EXOC6: variants seen among roughly 807,000 people sequenced by gnomAD.
EXOC6 encodes the protein SEC15-like 1.
A neutral mutation model predicts 112.5 loss-of-function variants in EXOC6; 60 were observed. The ratio of observed to expected loss-of-function variants is 0.53; its 90% CI spans 0.43 to 0.66. The LOEUF is 0.66. Ranked by LOEUF, EXOC6 falls within the 30% of genes least tolerant of loss-of-function variation. The probability of loss-of-function intolerance (pLI) is 0.00; values close to 1 mark genes in which losing one functional copy is unlikely to be tolerated. For missense variants in EXOC6, 855 were observed against 957.1 expected (o/e 0.89, Z 1.41); for synonymous variants, 295 against 308.0 (o/e 0.96, Z 0.44).
chr10:93,001,973 C>T (rs561655785), intron 19 of EXOC6, among the ~76,000 whole-genome samples: 2 of 152,180 alleles, frequency 1.3e-5, no homozygotes, highest in Non-Finnish European at 2.9e-5. Context: ...TATAGAGATA[C>T]TCAGGTGTAC....
chr10:92,938,866 A>T (rs1852502572), intron 12 of EXOC6, among the ~76,000 whole-genome samples: 1 of 152,172 alleles, frequency 6.6e-6, no homozygotes, highest in African/African-American at 2.4e-5. Flanking sequence ...TAACTAACTT[A>T]GATTCTAGGA....
At chr10:92,872,490 C>T (rs1848499602) in intron 1 of EXOC6, among the ~76,000 whole-genome samples, 1 of 152,060 alleles carries the variant, frequency 6.6e-6, no homozygotes, top group Non-Finnish European at 1.5e-5. Flanking sequence ...GTTTTATACA[C>T]ATACATGCCT....
chr10:92,864,118 A>G (rs1245791532), intron 1 of EXOC6, among the ~76,000 whole-genome samples: 2 of 152,168 alleles, frequency 1.3e-5, no homozygotes, highest in Non-Finnish European at 2.9e-5. Flanking sequence ...AATAAAAAGT[A>G]TAATAAAGTC....
At chr10:92,873,212 G>A (rs536562791) in intron 1 of EXOC6, among the ~76,000 whole-genome samples, 147 of 152,290 alleles carry the variant, frequency 9.7e-4, no homozygotes, top group Non-Finnish European at 1.9e-3. Flanking sequence ...GAAGGAGGAA[G>A]TCTATTGCAA....
chr10:92,954,941 G>C (rs577212675), intron 16 of EXOC6, among the ~76,000 whole-genome samples, 200 bp downstream of exon 16: 2 of 152,148 alleles, frequency 1.3e-5, no homozygotes, highest in South Asian at 4.1e-4. Context: ...CCTCTAATCC[G>C]AGAGCTTTGG....
At chr10:92,981,933 TG>T (rs748835999) in intron 18 of EXOC6, among the ~76,000 whole-genome samples, 12 of 152,104 alleles carry the variant, frequency 7.9e-5, no homozygotes, top group Non-Finnish European at 2.9e-5. Flanking sequence ...CTGACCAACA[TG>T]GTGAAACTCC....
intron 19 of EXOC6, among the ~76,000 whole-genome samples, 173 bp downstream of exon 19, chr10:92,997,788 C>G (rs1490272521): frequency 1.3e-5 from 2 of 152,154 alleles, no homozygotes; most frequent in Non-Finnish European, 2.9e-5. Flanking sequence ...ATAAAAATAT[C>G]TCAGCTTCAC....
chr10:93,016,543 A>G (rs1050613336), intron 20 of EXOC6, among the ~76,000 whole-genome samples: 2 of 152,178 alleles, frequency 1.3e-5, no homozygotes, highest in South Asian at 2.1e-4. Flanking sequence ...AAACTTTTGG[A>G]TATTCCGGAA....
chr10:92,885,028 A>T (rs1209296136), intron 1 of EXOC6, among the ~76,000 whole-genome samples: 1 of 152,166 alleles, frequency 6.6e-6, no homozygotes, highest in Non-Finnish European at 1.5e-5. Context: ...CAATTTTAAC[A>T]TTTTAATGTC....
intron 17 of EXOC6, among the ~76,000 whole-genome samples, chr10:92,958,853 T>C (rs1472293306): frequency 2.0e-5 from 3 of 152,088 alleles, no homozygotes; most frequent in Non-Finnish European, 4.4e-5. Flanking sequence ...CCCAGCACTT[T>C]GGGAGGGCGA....
intron 20 of EXOC6, among the ~76,000 whole-genome samples, chr10:93,028,861 A>G (rs1244230039): frequency 1.3e-5 from 2 of 150,590 alleles, no homozygotes; most frequent in Non-Finnish European, 3.0e-5. Flanking sequence ...AAAAGAATTT[A>G]GAATATTACA....
intron 20 of EXOC6, among the ~76,000 whole-genome samples, chr10:93,024,542 C>T (rs1844933023): frequency 6.6e-6 from 1 of 152,088 alleles, no homozygotes; most frequent in African/African-American, 2.4e-5. Context: ...AGCGATTTTC[C>T]TACCTCAGCC....
chr10:92,959,859 C>A (rs1271399062), intron 17 of EXOC6, among the ~76,000 whole-genome samples: 1 of 152,154 alleles, frequency 6.6e-6, no homozygotes, highest in Non-Finnish European at 1.5e-5. Context: ...AATGACAACA[C>A]CAAACGCTGA....
intron 19 of EXOC6, among the ~76,000 whole-genome samples, chr10:93,008,741 C>T (rs1026324231): frequency 2.0e-5 from 3 of 152,098 alleles, no homozygotes; most frequent in Non-Finnish European, 2.9e-5. Context: ...TCCTAGGTGA[C>T]AGGTATGGTG....
chr10:92,962,452 T>G (rs1313764652), intron 17 of EXOC6, among the ~76,000 whole-genome samples: 8 of 152,104 alleles, frequency 5.3e-5, no homozygotes, highest in Admixed American at 5.2e-4. Context: ...TGCAGTGACT[T>G]GATCCTGGCT....
At chr10:92,841,405 C>A (rs1846845870) in intron 1 of EXOC6, among the ~76,000 whole-genome samples, 1 of 152,192 alleles carries the variant, frequency 6.6e-6, no homozygotes, top group African/African-American at 2.4e-5. Flanking sequence ...TGAAAAATCA[C>A]ATTCACTAAT....
chr10:92,923,398 CATT>C (rs1391779719), intron 8 of EXOC6, among the ~76,000 whole-genome samples: 1 of 152,182 alleles, frequency 6.6e-6, no homozygotes, highest in Admixed American at 6.5e-5. Flanking sequence ...AAACAACAAA[CATT>C]ATTATTCCAC....
intron 20 of EXOC6, among the ~76,000 whole-genome samples, chr10:93,051,147 CT>C (rs5787032): frequency 0.44 from 65,160 of 146,820 alleles, 16,345 homozygotes; most frequent in East Asian, 0.9. Context: ...CTGTATTCCT[CT>C]TTTTTTTTTT....
rs775220770 is a variant in EXOC6 at position 92,909,564 on chromosome 10, A to T, written c.596A>T (p.Asp199Val). 1 of 1,613,388 alleles carries T rather than the reference A, an allele frequency of 6.2e-7. No individual in the cohort carries two copies. Among genetic ancestry groups the T allele is most frequent in the East Asian group, 2.2e-5 (1 of 44,780 alleles). ...GATATTAAAGAAATCTCCATGTCTG[A>T]TCTCAAAGACTTTTTGGAAAGTATT... ...REDIKEISMS[D>V]LKDFLESIRK... Residue 199 changes from aspartate to valine, a missense_variant, in exon 6 of 22, where the codon GAT becomes GTT. Transcript: ENST00000260762.
Sources: gnomAD v4.1 joint callset for allele counts (sites outside exome capture counted in the v4.1 genomes callset) on GRCh38, gnomAD v4.1.1 for gene constraint, MANE v1.5 for transcripts, NCBI Gene and HGNC (gene_info 2026-07-23, HGNC 2026-07-21) for gene names.